The following CCDC69 variants were observed in gnomAD, a reference collection of about 807,000 sequenced individuals.
CCDC69 encodes coiled-coil domain-containing protein 69.
A neutral mutation model predicts 40.3 loss-of-function variants in CCDC69; 38 were observed. The ratio of observed to expected loss-of-function variants is 0.94; its 90% confidence interval spans 0.73 to 1.24. The LOEUF (loss-of-function observed/expected upper bound fraction) is 1.24. CCDC69 is among the 50% of genes most tolerant of loss of function. The probability of loss-of-function intolerance (pLI) is 0.00; values close to 1 mark genes in which losing one functional copy is unlikely to be tolerated. For synonymous variants in CCDC69, 141 were observed against 138.9 expected, an observed-to-expected ratio of 1.02 and a Z score of -0.11; for missense variants, 389 against 357.9, an observed-to-expected ratio of 1.09 and a Z score of -0.70.
chr5:151,203,307 C>T (rs979824551), intron 2 of CCDC69, among the ~76,000 whole-genome samples: 5 of 151,624 alleles, frequency 3.3e-5, no homozygotes, highest in African/African-American at 4.8e-5. Context: ...GTCAGGAGTT[C>T]GAGACCAGCC....
At position 151,193,926 on chromosome 5, in the gene CCDC69, C is replaced by A. The variant is rs1752659430; in HGVS notation, c.319+5071G>T. On this transcript the variant is annotated intron_variant, in intron 4 of 8. Coordinates refer to ENST00000355417, the MANE Select transcript of CCDC69 (RefSeq NM_015621.3). ...AAGTTAATTTAAATGGGAAAAAGACCTGAACACACATTTGACCAAAGAGGA... is the reference window on the plus strand; with the variant it reads ...AAGTTAATTTAAATGGGAAAAAGACATGAACACACATTTGACCAAAGAGGA... 2.6e-5 allele frequency among the ~76,000 whole-genome samples: 4 copies of A among 152,144 alleles called. No individual in the cohort carries two copies. The South Asian group carries it at 8.3e-4, about 31-fold the overall frequency.
intron 4 of CCDC69, among the ~76,000 whole-genome samples, chr5:151,197,088 A>G (rs552659649): frequency 1.4e-4 from 22 of 152,380 alleles, no homozygotes; most frequent in African/African-American, 4.8e-4. Context: ...AAACATTTCA[A>G]GGTGAAAACA....
At chr5:151,219,186 G>A (rs1349188045) in intron 1 of CCDC69, among the ~76,000 whole-genome samples, 1 of 152,152 alleles carries the variant, frequency 6.6e-6, no homozygotes, top group Non-Finnish European at 1.5e-5. Flanking sequence ...CTCCTCAACT[G>A]TCCTGCCCTT....
intron 6 of CCDC69, 26 bp downstream of exon 6, chr5:151,185,997 A>G: frequency 6.5e-7 from 1 of 1,546,430 alleles, no homozygotes; most frequent in Non-Finnish European, 8.9e-7. Flanking sequence ...TCAAGGAGGA[A>G]AAGCGCCCAG....
intron 2 of CCDC69, among the ~76,000 whole-genome samples, chr5:151,203,807 A>C (rs1468184425): frequency 1.5e-5 from 2 of 133,144 alleles, no homozygotes; most frequent in Non-Finnish European, 3.1e-5. Flanking sequence ...AGTATATATA[A>C]TATATATCGT....
At chr5:151,201,529 A>G in intron 3 of CCDC69, 53 bp downstream of exon 3, 1 of 1,267,958 alleles carries the variant, frequency 7.9e-7, no homozygotes, top group Non-Finnish European at 1.1e-6. Flanking sequence ...TCTGGGATTC[A>G]CCAAAGTTAG....
At chr5:151,217,804 T>C (rs1753071334) in intron 1 of CCDC69, among the ~76,000 whole-genome samples, 1 of 152,246 alleles carries the variant, frequency 6.6e-6, no homozygotes, top group African/African-American at 2.4e-5. Flanking sequence ...AGACCCTATT[T>C]CAAATAATGT....
At chr5:151,185,357 A>T (rs1752479870) in intron 7 of CCDC69, 65 bp downstream of exon 7, 9 of 1,585,900 alleles carry the variant, frequency 5.7e-6, no homozygotes, top group Non-Finnish European at 7.8e-6. Flanking sequence ...TGCATGCTTT[A>T]CAAAGGAAAC....
In CCDC69 at chr5:151,186,078, T is replaced by G; in HGVS notation, c.440A>C (p.Lys147Thr). ...LTSQLEAFQA[K>T]MKRVEESILS... Reference sequence around the variant, plus strand: ...AATGGACTCCTCCACCCTCTTCATTTTGGCCTGGAAAGCCTCCAGCTGTGA... The same window carrying G: ...AATGGACTCCTCCACCCTCTTCATTGTGGCCTGGAAAGCCTCCAGCTGTGA... Residue 147 changes from lysine (K) to threonine (T), a missense_variant, in exon 6 of 9, where the codon AAA (lysine) becomes ACA (threonine). By Grantham distance (78) the Lys-to-Thr change is moderately conservative. Coordinates refer to ENST00000355417, the MANE Select transcript of CCDC69 (RefSeq NM_015621.3). 6.2e-7 allele frequency: 1 copy of G among 1,614,108 alleles called. No homozygotes were observed. The highest frequency in any genetic ancestry group is 2.2e-5 in the East Asian group (1 of 44,856).
rs964293384 is a variant in CCDC69, at chr5:151,189,118, A to G, written c.320-1659T>C. Among the ~76,000 whole-genome samples the G allele has an allele frequency of 2.6e-5, 4 of 152,370 alleles. No individual in the cohort carries two copies. The East Asian group carries it at 7.7e-4, about 29-fold the overall frequency. Reference sequence around the variant, plus strand: ...ACAGATGCCTAAACTGAGATCCTATAGATGTAGGAATTATTAACAGAGTTT... The same window carrying G: ...ACAGATGCCTAAACTGAGATCCTATGGATGTAGGAATTATTAACAGAGTTT... On this transcript the variant is annotated intron_variant, in intron 4 of 8. Coordinates refer to ENST00000355417, the MANE Select transcript of CCDC69 (RefSeq NM_015621.3).
intron 1 of CCDC69, among the ~76,000 whole-genome samples, chr5:151,206,611 T>C (rs1042062533): frequency 6.6e-6 from 1 of 152,208 alleles, no homozygotes; most frequent in Non-Finnish European, 1.5e-5. Flanking sequence ...GACTGAGTCT[T>C]GCTCTGTCGC....
At chr5:151,214,790 C>G (rs1753012939) in intron 1 of CCDC69, among the ~76,000 whole-genome samples, 1 of 152,178 alleles carries the variant, frequency 6.6e-6, no homozygotes, top group Admixed American at 6.5e-5. Flanking sequence ...GATGAGGTGT[C>G]TCAGGGGAGC....
chr5:151,216,662 C>T (rs981231758), intron 1 of CCDC69, among the ~76,000 whole-genome samples: 3 of 151,992 alleles, frequency 2.0e-5, no homozygotes, highest in Non-Finnish European at 2.9e-5. Flanking sequence ...GTGATCCGCC[C>T]GCCTCAGTCT....
At position 151,183,680 on chromosome 5, in the gene CCDC69, C is replaced by T. The variant is rs1766678492; in HGVS notation, c.714-66G>A. The T allele has an allele frequency of 2.1e-6, 3 of 1,429,616 alleles. No individual in the cohort carries two copies. The East Asian group carries it at 7.0e-5, about 33-fold the overall frequency. 88.6% of individuals were successfully genotyped at this position (1,429,616 alleles called of 1,614,324 possible). A position where few individuals can be genotyped will look rare whatever the true frequency, so the allele number is the denominator to read the frequency against. ...AGCTGCCACAGAGACCAACCCATTC[C>T]CCCAGGAAGCCTTCCTTAGATGGAC... On this transcript the variant is annotated intron_variant, in intron 8 of 8. Transcript: ENST00000355417.
In CCDC69 at chr5:151,184,265, G is replaced by A. The variant is rs563691493; in HGVS notation, c.713+79C>T. 18 of 1,034,954 alleles carry A rather than the reference G, an allele frequency of 1.7e-5. No individual in the cohort carries two copies. In the South Asian group the frequency reaches 2.2e-4, roughly 12 times the overall value. 64.1% of individuals were successfully genotyped at this position (1,034,954 alleles called of 1,614,324 possible). ...GCCCACCTGTCAGTCCATTCCTCAG[G>A]CCCCTCTAAGACTCTCCCAGCTGGG... On this transcript the variant is annotated intron_variant, in intron 8 of 8. Coordinates refer to ENST00000355417, the MANE Select transcript of CCDC69 (RefSeq NM_015621.3).
chr5:151,198,885 T>C (rs1752738726), intron 4 of CCDC69, 112 bp downstream of exon 4: 4 of 796,062 alleles, frequency 5.0e-6, no homozygotes, highest in Non-Finnish European at 8.9e-6. Flanking sequence ...CAATTGCTTG[T>C]GGATCAGACA....
intron 2 of CCDC69, 82 bp downstream of exon 2, chr5:151,205,318 C>T: frequency 9.2e-7 from 1 of 1,085,752 alleles, no homozygotes; most frequent in South Asian, 1.3e-5. Context: ...TGAGATATTT[C>T]AGCAGCTGTA....
At chr5:151,219,184 C>T (rs1308036945) in intron 1 of CCDC69, among the ~76,000 whole-genome samples, 1 of 152,190 alleles carries the variant, frequency 6.6e-6, no homozygotes, top group East Asian at 1.9e-4. Context: ...CGCTCCTCAA[C>T]TGTCCTGCCC....
chr5:151,198,758 A>G (rs1260932562), intron 4 of CCDC69: 8 of 418,838 alleles, frequency 1.9e-5, no homozygotes, highest in Non-Finnish European at 3.4e-5. Flanking sequence ...TTTAAATGGA[A>G]AGAAAAAAAT....
Sources: gnomAD v4.1 joint callset for allele counts (sites outside exome capture counted in the v4.1 genomes callset) on GRCh38, gnomAD v4.1.1 for gene constraint, MANE v1.5 for transcripts, NCBI Gene and HGNC (gene_info 2026-07-23, HGNC 2026-07-21) for gene names.